CFAP206: variants seen among roughly 807,000 people sequenced by gnomAD.
CFAP206 encodes the protein cilia and flagella associated protein 206, also known as cilia- and flagella-associated protein 206.
A neutral mutation model predicts 65.4 loss-of-function variants in CFAP206; 53 were observed. The ratio of observed to expected loss-of-function variants is 0.81; its 90% CI spans 0.65 to 1.02. CFAP206 has a LOEUF of 1.02. Ranked by LOEUF, CFAP206 falls within the 50% of genes least tolerant of loss-of-function variation. The pLI is 0.00. For synonymous variants in CFAP206, 250 were observed against 254.4 expected (o/e 0.98, Z 0.17); for missense variants, 663 against 753.2 (o/e 0.88, Z 1.40).
intron 3 of CFAP206, among the ~76,000 whole-genome samples, chr6:87,411,078 T>A (rs1767727771): frequency 6.6e-6 from 1 of 152,250 alleles, no homozygotes; most frequent in African/African-American, 2.4e-5. Context: ...TCTTTTTTCT[T>A]TCTTAGATGA....
intron 6 of CFAP206, among the ~76,000 whole-genome samples, chr6:87,417,755 C>CTTTTTTT (rs11394814): frequency 1.3e-4 from 16 of 121,754 alleles, no homozygotes; most frequent in African/African-American, 5.0e-4. Context: ...GTTTTAGATT[C>CTTTTTTT]TTTTTTTTTT....
intron 1 of CFAP206, 33 bp from the exon 2 acceptor site, chr6:87,409,802 G>T: frequency 7.0e-7 from 1 of 1,423,896 alleles, no homozygotes; most frequent in South Asian, 1.2e-5. Context: ...ATAAAACCAC[G>T]GTTTTTTTAA....
chr6:87,423,991 G>C (rs1465050652), intron 7 of CFAP206, among the ~76,000 whole-genome samples: 5 of 152,170 alleles, frequency 3.3e-5, no homozygotes, highest in Non-Finnish European at 5.9e-5. Context: ...TGAGAATTCA[G>C]ATGCACCTTT....
At position 87,461,131 on chromosome 6, in the gene CFAP206, A is replaced by AT. The variant is rs756272416; in HGVS notation, c.1605dup (p.Glu536Ter). Reference sequence around the variant, plus strand: ...ACGATTGTGAGATCATATGAGTGGAATGAATGGGAATTAAGAAGAAAAGCT... The same window carrying AT: ...ACGATTGTGAGATCATATGAGTGGAATTGAATGGGAATTAAGAAGAAAAGCT... On this transcript the variant is annotated frameshift_variant, in exon 12 of 13. Transcript: ENST00000369562. LOFTEE classifies it high-confidence loss of function. 6.4e-6 allele frequency: 10 copies of AT among 1,574,416 alleles called. No individual in the cohort carries two copies. In the South Asian group the frequency reaches 1.2e-4, roughly 19 times the overall value.
intron 8 of CFAP206, 67 bp downstream of exon 8, chr6:87,426,712 C>T (rs1320952433): frequency 1.7e-6 from 2 of 1,172,874 alleles, no homozygotes; most frequent in South Asian, 2.3e-5. Flanking sequence ...TATTGGATCG[C>T]AAGTCATTAT....
At chr6:87,412,542 G>A (rs1306102213) in intron 3 of CFAP206, among the ~76,000 whole-genome samples, 1 of 152,168 alleles carries the variant, frequency 6.6e-6, no homozygotes. Context: ...CCATCTATGT[G>A]GGGGCTCATA....
intron 11 of CFAP206, 65 bp downstream of exon 11, chr6:87,435,118 T>G (rs1768234725): frequency 7.8e-7 from 1 of 1,274,768 alleles, no homozygotes; most frequent in Admixed American, 2.2e-5. Context: ...AAAAGTTGTA[T>G]TTTGTTGTAG....
At chr6:87,445,128 T>C in intron 11 of CFAP206, 2 of 409,412 alleles carry the variant, frequency 4.9e-6, no homozygotes, top group East Asian at 1.4e-4. Context: ...TTTCTTATCA[T>C]TTGCGTAATC....
At chr6:87,459,746 AG>A (rs2127957835) in intron 11 of CFAP206, among the ~76,000 whole-genome samples, 1 of 152,338 alleles carries the variant, frequency 6.6e-6, no homozygotes, top group African/African-American at 2.4e-5. Context: ...TATAACTTAC[AG>A]AGTTGTAAGA....
chr6:87,420,396 T>A (rs565162107), intron 7 of CFAP206, among the ~76,000 whole-genome samples: 79 of 152,282 alleles, frequency 5.2e-4, no homozygotes, highest in African/African-American at 1.9e-3. Context: ...ACCAACTAAG[T>A]CTTAAATTCT....
intron 7 of CFAP206, among the ~76,000 whole-genome samples, chr6:87,421,895 A>C (rs6454619): frequency 6.6e-6 from 1 of 152,140 alleles, no homozygotes; most frequent in Admixed American, 6.5e-5. Context: ...TTGTTTTATT[A>C]TATTTTATTT....
chr6:87,423,473 T>A (rs1767984686), intron 7 of CFAP206, among the ~76,000 whole-genome samples: 1 of 151,544 alleles, frequency 6.6e-6, no homozygotes, highest in Non-Finnish European at 1.5e-5. Flanking sequence ...AGGTCTCTTA[T>A]CTCTTGACCT....
intron 11 of CFAP206, among the ~76,000 whole-genome samples, chr6:87,440,520 T>C (rs1768345483): frequency 6.6e-6 from 1 of 152,112 alleles, no homozygotes; most frequent in Non-Finnish European, 1.5e-5. Flanking sequence ...GAGGGCATCA[T>C]GGTGAAGAAA....
chr6:87,429,783 A>G (rs56021083), intron 9 of CFAP206, among the ~76,000 whole-genome samples: 4,342 of 152,280 alleles, frequency 0.029, 103 homozygotes, highest in Non-Finnish European at 0.045. Flanking sequence ...TTCAAATTCT[A>G]TTTTTTAAAG....
chr6:87,443,450 C>CA (rs1768388090), intron 11 of CFAP206, among the ~76,000 whole-genome samples: 1 of 151,924 alleles, frequency 6.6e-6, no homozygotes, highest in Non-Finnish European at 1.5e-5. Flanking sequence ...TTTATATTTT[C>CA]TTTTCTGATC....
chr6:87,424,428 G>A (rs1185033346), intron 7 of CFAP206, among the ~76,000 whole-genome samples: 3 of 151,970 alleles, frequency 2.0e-5, no homozygotes. Context: ...ATAGGCAGGT[G>A]CCACCACGCC....
chr6:87,424,908 T>C (rs996883677), intron 7 of CFAP206, among the ~76,000 whole-genome samples: 4 of 152,220 alleles, frequency 2.6e-5, no homozygotes, highest in Non-Finnish European at 5.9e-5. Context: ...AACCTGTATA[T>C]CCTGAACTGC....
chr6:87,428,507 C>T, intron 8 of CFAP206, 119 bp from the exon 9 acceptor site: 1 of 895,330 alleles, frequency 1.1e-6, no homozygotes, highest in African/African-American at 1.7e-5. Flanking sequence ...GTTCGTAAGA[C>T]TTTTGCTTAG....
chr6:87,429,589 C>G (rs1768123193), intron 9 of CFAP206, among the ~76,000 whole-genome samples: 1 of 152,104 alleles, frequency 6.6e-6, no homozygotes, highest in South Asian at 2.1e-4. Context: ...TGCATTGATT[C>G]TTACAGAAAA....
Sources: allele counts gnomAD v4.1 joint callset (sites outside exome capture counted in the v4.1 genomes callset), GRCh38; gene constraint gnomAD v4.1.1; transcripts MANE v1.5; gene names NCBI Gene and HGNC (gene_info 2026-07-23, HGNC 2026-07-21).